GRIN2A: variants seen among roughly 807,000 people sequenced by gnomAD.
GRIN2A encodes the protein glutamate receptor ionotropic, NMDA 2A.
A neutral mutation model predicts 113.4 loss-of-function variants in GRIN2A; 22 were observed. The ratio of observed to expected loss-of-function variants is 0.19; its 90% CI spans 0.14 to 0.28. The LOEUF is 0.28. GRIN2A is among the 10% of genes least tolerant of loss of function. The pLI is 1.00. For synonymous variants in GRIN2A, 827 were observed against 738.4 expected (o/e 1.12, Z -1.94); for missense variants, 1,502 against 1,887.0 (o/e 0.80, Z 3.78).
At chr16:10,076,060 C>G (rs1427631532) in intron 2 of GRIN2A, among the ~76,000 whole-genome samples, 1 of 152,078 alleles carries the variant, frequency 6.6e-6, no homozygotes, top group African/African-American at 2.4e-5. Context: ...ATTGTGCTAC[C>G]TGTAAAAAGC....
At chr16:9,975,136 G>T (rs1206459563) in intron 2 of GRIN2A, among the ~76,000 whole-genome samples, 3 of 152,040 alleles carry the variant, frequency 2.0e-5, no homozygotes, top group Non-Finnish European at 4.4e-5. Flanking sequence ...GAGATGAGAG[G>T]TATAGATTAA....
chr16:9,980,421 C>T (rs1158492094), intron 2 of GRIN2A, among the ~76,000 whole-genome samples: 1 of 152,090 alleles, frequency 6.6e-6, no homozygotes, highest in African/African-American at 2.4e-5. Flanking sequence ...TTGTGGAAGT[C>T]GGTGTGGCAA....
At chr16:9,802,222 C>T (rs9936757) in intron 10 of GRIN2A, among the ~76,000 whole-genome samples, 2,495 of 152,236 alleles carry the variant, frequency 0.016, 68 homozygotes, top group African/African-American at 0.057. Flanking sequence ...CTATTATAAA[C>T]ACACAGGCAC....
intron 3 of GRIN2A, among the ~76,000 whole-genome samples, chr16:9,898,405 T>A (rs1291516597): frequency 6.6e-6 from 1 of 152,186 alleles, no homozygotes; most frequent in Non-Finnish European, 1.5e-5. Flanking sequence ...ACTTAAAATA[T>A]CTCATTCCTC....
Position 9,755,845 on chromosome 16 carries a change from A to T in GRIN2A, c.*7304T>A, listed in dbSNP as rs1052812334. On this transcript the variant is annotated 3_prime_UTR_variant, in exon 13 of 13. Coordinates refer to ENST00000330684, the MANE Select transcript of GRIN2A (RefSeq NM_001134407.3). ...TGAGCCGGGAATTATCTCTAAGACA[A>T]TTTGGAAAAGAAAAAAAAAAAGGAA... The T allele has an allele frequency of 9.9e-6, 2 of 201,710 alleles. No homozygotes were observed. Among genetic ancestry groups the T allele is most frequent in the African/African-American group, 4.7e-5 (2 of 42,832 alleles). The allele number at this position is 201,710 out of a possible 1,614,324, so 12.5% of individuals were successfully genotyped here.
intron 2 of GRIN2A, among the ~76,000 whole-genome samples, chr16:10,115,818 C>G (rs1024187027): frequency 2.6e-5 from 4 of 151,416 alleles, no homozygotes; most frequent in African/African-American, 9.7e-5. Flanking sequence ...TTACTCAGGA[C>G]TTTTTTTTTG....
intron 11 of GRIN2A, among the ~76,000 whole-genome samples, 171 bp downstream of exon 11, chr16:9,798,106 C>A (rs936022816): frequency 6.6e-6 from 1 of 152,178 alleles, no homozygotes; most frequent in Non-Finnish European, 1.5e-5. Context: ...TCTAGAATTG[C>A]TTTCCATTAT....
intron 5 of GRIN2A, among the ~76,000 whole-genome samples, chr16:9,846,078 T>G (rs1383786832): frequency 1.3e-5 from 2 of 152,240 alleles, no homozygotes; most frequent in Non-Finnish European, 2.9e-5. Flanking sequence ...TGTAAAGGAA[T>G]TCAGCAAAAA....
intron 2 of GRIN2A, among the ~76,000 whole-genome samples, chr16:10,088,437 C>T (rs548919302): frequency 3.3e-5 from 5 of 152,284 alleles, no homozygotes; most frequent in African/African-American, 1.2e-4. Flanking sequence ...GCGTCCTCAC[C>T]TCTGTGCTCA....
intron 4 of GRIN2A, among the ~76,000 whole-genome samples, chr16:9,864,044 T>C (rs1375122558): frequency 6.6e-6 from 1 of 152,194 alleles, no homozygotes; most frequent in Admixed American, 6.5e-5. Context: ...ACAGTAACAG[T>C]GATAACTATT....
chr16:9,922,233 T>G (rs1207252013), intron 3 of GRIN2A, among the ~76,000 whole-genome samples: 2 of 151,914 alleles, frequency 1.3e-5, no homozygotes, highest in Admixed American at 1.3e-4. Context: ...GCCTAAGTGA[T>G]CTCCAGCATC....
chr16:10,096,065 T>A (rs1171799651), intron 2 of GRIN2A, among the ~76,000 whole-genome samples: 2 of 152,114 alleles, frequency 1.3e-5, no homozygotes, highest in African/African-American at 4.8e-5. Context: ...AAAGAAAATA[T>A]ATCTAAATGC....
At chr16:9,765,465 T>G (rs1900853440) in intron 12 of GRIN2A, among the ~76,000 whole-genome samples, 2 of 152,228 alleles carry the variant, frequency 1.3e-5, no homozygotes, top group Admixed American at 1.3e-4. Context: ...GAATGTGTCC[T>G]AAGTGGCCAA....
In GRIN2A at chr16:9,938,063, G is replaced by A. The variant is rs78241448; in HGVS notation, c.903C>T (p.Thr301=). The change falls in exon 3 of 13, where the codon ACC becomes ACT. Residue 301 remains threonine (T), a synonymous_variant. Transcript: ENST00000330684. ...RVRDGIGILT[T]AASSMLEKFS... is the part of the protein sequence containing the mutation. ...ACTTCTCCAGCATAGAAGATGCAGCGGTGGTTAGGATGCCAATGCCGTCCC... is the reference window on the plus strand; with the variant it reads ...ACTTCTCCAGCATAGAAGATGCAGCAGTGGTTAGGATGCCAATGCCGTCCC... 391 of 1,614,036 alleles carry A rather than the reference G, an allele frequency of 2.4e-4. 2 individuals are homozygous for A. The African/African-American group carries it at 3.8e-3, about 16-fold the overall frequency.
intron 2 of GRIN2A, among the ~76,000 whole-genome samples, chr16:10,105,074 G>A (rs2048471218): frequency 6.6e-6 from 1 of 152,180 alleles, no homozygotes; most frequent in African/African-American, 2.4e-5. Flanking sequence ...CTCTGGGTCT[G>A]GAGCCGAACT....
chr16:9,843,824 G>T (rs2141353415), intron 5 of GRIN2A, among the ~76,000 whole-genome samples: 1 of 152,280 alleles, frequency 6.6e-6, no homozygotes, highest in Middle Eastern at 3.4e-3. Context: ...ATATGTGCCA[G>T]CTCCATCTCC....
rs374461135 is a variant in GRIN2A, at chr16:10,032,268, T to C, written c.415-93717A>G. On this transcript the variant is annotated intron_variant, in intron 2 of 12. Coordinates refer to ENST00000330684, the MANE Select transcript of GRIN2A (RefSeq NM_001134407.3). ...GTTGAGCCTTGGGTAACGATGGCTA[T>C]GCCAGAGAGACATGGGAGACTTCAA... Among the ~76,000 whole-genome samples the C allele has an allele frequency of 3.3e-4, 51 of 152,340 alleles. No homozygotes were observed. The East Asian group carries it at 3.5e-3, about 10-fold the overall frequency.
intron 2 of GRIN2A, among the ~76,000 whole-genome samples, chr16:10,007,356 G>C (rs1266270621): frequency 6.6e-6 from 1 of 152,064 alleles, no homozygotes; most frequent in Non-Finnish European, 1.5e-5. Context: ...TTGTAGTTTT[G>C]AATTTTATTT....
intron 2 of GRIN2A, among the ~76,000 whole-genome samples, chr16:10,168,174 G>A (rs144258933): frequency 1.4e-3 from 220 of 152,298 alleles, no homozygotes; most frequent in African/African-American, 5.1e-3. Context: ...TAGTAAATAT[G>A]AGGCCGGCTG....
Sources: allele counts gnomAD v4.1 joint callset (sites outside exome capture counted in the v4.1 genomes callset), GRCh38; gene constraint gnomAD v4.1.1; transcripts MANE v1.5; gene names NCBI Gene and HGNC (gene_info 2026-07-23, HGNC 2026-07-21).